GRM8: variants seen among roughly 807,000 people sequenced by gnomAD.
GRM8 encodes the protein metabotropic glutamate receptor 8.
Under a neutral mutation model 87.2 loss-of-function variants are expected in GRM8, and 47 were observed. That is an observed-to-expected ratio of 0.54 (90% confidence interval 0.43 to 0.69). GRM8 has a LOEUF of 0.69. Among genes scored for constraint, GRM8 ranks in the 30% least tolerant of loss-of-function variants. GRM8 has a pLI of 0.00. For synonymous variants in GRM8, 396 were observed against 404.5 expected (o/e 0.98, Z 0.25); for missense variants, 1,019 against 1,139.2 (o/e 0.89, Z 1.52).
intron 3 of GRM8, among the ~76,000 whole-genome samples, chr7:127,006,756 T>C (rs1481738291): frequency 6.6e-6 from 1 of 152,026 alleles, no homozygotes; most frequent in Non-Finnish European, 1.5e-5. Flanking sequence ...GTTCAGTCCT[T>C]GAACGTCTTC....
At chr7:126,894,270 C>G (rs1375715582) in intron 6 of GRM8, among the ~76,000 whole-genome samples, 2 of 152,052 alleles carry the variant, frequency 1.3e-5, no homozygotes, top group Admixed American at 1.3e-4. Context: ...CTGGCCCAAG[C>G]CTTACCATAG....
intron 9 of GRM8, among the ~76,000 whole-genome samples, chr7:126,474,585 G>A (rs1805682109): frequency 6.6e-6 from 1 of 152,102 alleles, no homozygotes. Context: ...TTAATCCTTA[G>A]CTGAAAACCT....
At chr7:126,995,670 A>G (rs1373229617) in intron 3 of GRM8, among the ~76,000 whole-genome samples, 1 of 152,128 alleles carries the variant, frequency 6.6e-6, no homozygotes, top group Non-Finnish European at 1.5e-5. Flanking sequence ...GTCAAAGGAG[A>G]CAAAATAAAA....
chr7:127,079,726 G>C (rs562009375), intron 3 of GRM8, among the ~76,000 whole-genome samples: 194 of 152,250 alleles, frequency 1.3e-3, no homozygotes, highest in Non-Finnish European at 2.3e-3. Context: ...GTGGCCATTT[G>C]CCTCGGGATA....
chr7:126,808,436 A>G (rs2151731603), intron 6 of GRM8, among the ~76,000 whole-genome samples: 2 of 152,348 alleles, frequency 1.3e-5, no homozygotes, highest in Non-Finnish European at 2.9e-5. Context: ...AATCTGAAGA[A>G]AGAAAAAGCA....
Position 127,116,368 on chromosome 7 carries a change from T to A in GRM8, c.511-9656A>T, listed in dbSNP as rs148684618. On this transcript the variant is annotated intron_variant, in intron 2 of 10. Coordinates refer to ENST00000339582, the MANE Select transcript of GRM8 (RefSeq NM_000845.3). ...AAATGTTCTTTAATGGTTACTTTTT[T>A]ATTAATTCATTCAACAAATTAGCTC... 2.1e-4 allele frequency among the ~76,000 whole-genome samples: 32 copies of A among 150,510 alleles called. No homozygotes were observed. The East Asian group carries it at 2.9e-3, about 14-fold the overall frequency.
intron 8 of GRM8, among the ~76,000 whole-genome samples, chr7:126,540,173 T>A (rs1816369476): frequency 6.6e-6 from 1 of 152,120 alleles, no homozygotes; most frequent in South Asian, 2.1e-4. Flanking sequence ...CCAAAGAAGA[T>A]ATACAAATTG....
intron 3 of GRM8, among the ~76,000 whole-genome samples, chr7:126,916,001 T>G (rs1803859934): frequency 1.3e-5 from 2 of 152,176 alleles, no homozygotes; most frequent in Non-Finnish European, 2.9e-5. Flanking sequence ...CCATTTCAAA[T>G]TAGGTTCCCA....
At chr7:126,829,799 G>A (rs1299050305) in intron 6 of GRM8, among the ~76,000 whole-genome samples, 8 of 152,140 alleles carry the variant, frequency 5.3e-5, no homozygotes, top group Middle Eastern at 3.4e-3. Flanking sequence ...TCCTAGTCTC[G>A]ATGGTCTTTA....
chr7:127,014,534 C>T (rs186673966), intron 3 of GRM8, among the ~76,000 whole-genome samples: 47 of 152,122 alleles, frequency 3.1e-4, no homozygotes, highest in African/African-American at 1.1e-3. Flanking sequence ...CCTCAGTTTC[C>T]TCATCTGTAA....
chr7:126,769,865 C>G lies in GRM8; in HGVS notation c.1357G>C (p.Gly453Arg). 6.3e-7 allele frequency: 1 copy of G among 1,594,948 alleles called. No individual in the cohort carries two copies. The highest frequency in any genetic ancestry group is 8.6e-7 in the Non-Finnish European group (1 of 1,163,012). ...LGYIRAVNFNGSAGTPVTFNE... is the reference protein window; with the variant it reads ...LGYIRAVNFNRSAGTPVTFNE... ...TAGACACACACACGTTGTAACTTAC[C>G]ATTAAAATTTACAGCCCGAATATAA... Residue 453 changes from glycine to arginine, a missense_variant and splice_region_variant, in exon 7 of 11, where the codon GGC (glycine) becomes CGC (arginine). By Grantham distance (125) the Gly-to-Arg change is moderately radical. Coordinates refer to ENST00000339582, the MANE Select transcript of GRM8 (RefSeq NM_000845.3).
In GRM8 at chr7:126,903,987, G is replaced by A. The variant is rs374944457; in HGVS notation, c.1003C>T (p.Arg335Ter). ...AEGAVTILPK[R>*]ASIDGFDRYF... ...GCATTCTTACCATCAATTGATGCTC[G>A]TTTGGGCAAAATTGTCACAGCCCCT... Residue 335 changes from arginine (R) to a stop codon, truncating the protein, a stop_gained, in exon 5 of 11, where the codon CGA (arginine) becomes TGA (stop). Coordinates refer to ENST00000339582, the MANE Select transcript of GRM8 (RefSeq NM_000845.3). LOFTEE classifies it high-confidence loss of function. The A allele has an allele frequency of 1.6e-5, 25 of 1,545,342 alleles. No individual in the cohort carries two copies. Among genetic ancestry groups the A allele is most frequent in the Non-Finnish European group, 2.0e-5 (22 of 1,121,084 alleles).
At chr7:126,576,601 T>C (rs756333569) in intron 8 of GRM8, among the ~76,000 whole-genome samples, 13 of 152,166 alleles carry the variant, frequency 8.5e-5, no homozygotes, top group Non-Finnish European at 1.9e-4. Flanking sequence ...TTAATATCTC[T>C]AATACTTGCA....
At chr7:126,703,128 G>T (rs1252975199) in intron 7 of GRM8, among the ~76,000 whole-genome samples, 20 of 152,094 alleles carry the variant, frequency 1.3e-4, no homozygotes, top group Admixed American at 1.3e-3. Context: ...GTTTCAATCA[G>T]GCATGATCTA....
chr7:126,842,167 A>C (rs1796325039), intron 6 of GRM8, among the ~76,000 whole-genome samples: 1 of 152,218 alleles, frequency 6.6e-6, no homozygotes, highest in South Asian at 2.1e-4. Context: ...AAAGAGAACA[A>C]AGGTCAAATA....
intron 6 of GRM8, among the ~76,000 whole-genome samples, chr7:126,898,352 G>A (rs1801740848): frequency 1.3e-5 from 2 of 152,136 alleles, no homozygotes; most frequent in South Asian, 4.1e-4. Flanking sequence ...GGGTAAAATG[G>A]TAATTTGGGA....
intron 7 of GRM8, among the ~76,000 whole-genome samples, chr7:126,662,219 T>A (rs1197481229): frequency 6.6e-6 from 1 of 152,136 alleles, no homozygotes; most frequent in African/African-American, 2.4e-5. Flanking sequence ...ATGCTGAAGA[T>A]AACAGAATAA....
chr7:127,007,615 G>C (rs980893351), intron 3 of GRM8, among the ~76,000 whole-genome samples: 1 of 151,932 alleles, frequency 6.6e-6, no homozygotes, highest in Non-Finnish European at 1.5e-5. Context: ...TAAATTTTTC[G>C]CATTTTTTGA....
chr7:126,867,499 A>G (rs1798704328), intron 6 of GRM8, among the ~76,000 whole-genome samples: 1 of 152,242 alleles, frequency 6.6e-6, no homozygotes. Flanking sequence ...GTAATGAATC[A>G]CCAGCAAAGA....
Sources: gnomAD v4.1 joint callset for allele counts (sites outside exome capture counted in the v4.1 genomes callset) on GRCh38, gnomAD v4.1.1 for gene constraint, MANE v1.5 for transcripts, NCBI Gene and HGNC (gene_info 2026-07-23, HGNC 2026-07-21) for gene names.